The following NBEA variants were observed in gnomAD, a reference collection of about 807,000 sequenced individuals.
NBEA encodes lysosomal-trafficking regulator 2.
Under a neutral mutation model 343.4 loss-of-function variants are expected in NBEA, and 44 were observed. The ratio of observed to expected loss-of-function variants is 0.13; its 90% CI spans 0.10 to 0.16. The LOEUF (loss-of-function observed/expected upper bound fraction) is 0.16. Among genes scored for constraint, NBEA ranks in the 10% least tolerant of loss-of-function variants. The pLI is 1.00. For synonymous variants in NBEA, 1,175 were observed against 1,238.7 expected (o/e 0.95, Z 1.08); for missense variants, 2,555 against 3,631.3 (o/e 0.70, Z 7.62).
At chr13:35,116,463 A>G (rs1422730786) in intron 13 of NBEA, among the ~76,000 whole-genome samples, 1 of 152,070 alleles carries the variant, frequency 6.6e-6, no homozygotes, top group Non-Finnish European at 1.5e-5. Context: ...TACTTTGTGC[A>G]TCTTGGTGGC....
Position 35,546,049 on chromosome 13 carries a change from T to TAAAC in NBEA, c.6586-4422_6586-4419dup, listed in dbSNP as rs199516448. On this transcript the variant is annotated intron_variant, in intron 41 of 58. Transcript: ENST00000379939. Reference sequence around the variant, plus strand: ...CTATCAGTTTCCCATTGTGATTTATTAAACAAACATATATGGAGCACATAT... The same window carrying TAAAC: ...CTATCAGTTTCCCATTGTGATTTATTAAACAAACAAACATATATGGAGCACATAT... 3.8e-5 allele frequency among the ~76,000 whole-genome samples: 3 copies of TAAAC among 79,818 alleles called. No homozygotes were observed. The South Asian group carries it at 1.2e-3, about 32-fold the overall frequency. The allele number at this position is 79,818 out of a possible 152,430, so 52.4% of individuals were successfully genotyped here.
chr13:35,073,504 T>C (rs2063967605), intron 10 of NBEA, among the ~76,000 whole-genome samples: 1 of 152,202 alleles, frequency 6.6e-6, no homozygotes, highest in South Asian at 2.1e-4. Context: ...TGAAGCATTT[T>C]ATCTTCCACA....
At chr13:35,283,621 GGTAATAA>G (rs2035210882) in intron 34 of NBEA, among the ~76,000 whole-genome samples, 1 of 152,104 alleles carries the variant, frequency 6.6e-6, no homozygotes, top group African/African-American at 2.4e-5. Flanking sequence ...ATCAAAGAAA[GGTAATAA>G]GTGCATATAT....
chr13:35,290,680 T>C (rs1291980323), intron 35 of NBEA, among the ~76,000 whole-genome samples: 1 of 150,622 alleles, frequency 6.6e-6, no homozygotes, highest in Non-Finnish European at 1.5e-5. Flanking sequence ...TTTAGCAGTA[T>C]TATTCTCCTA....
chr13:35,179,889 G>A (rs1308723411), intron 28 of NBEA: 22 of 668,282 alleles, frequency 3.3e-5, no homozygotes, highest in Non-Finnish European at 4.1e-5. Context: ...TGTGTTTATT[G>A]TATCATCATT....
intron 41 of NBEA, among the ~76,000 whole-genome samples, chr13:35,524,806 T>A (rs2152994672): frequency 6.6e-6 from 1 of 152,314 alleles, no homozygotes; most frequent in Non-Finnish European, 1.5e-5. Context: ...ATTTACACAA[T>A]GTTAAATGGT....
intron 58 of NBEA, 87 bp from the exon 59 acceptor site, chr13:35,670,814 G>A: frequency 1.1e-6 from 1 of 882,796 alleles, no homozygotes; most frequent in Non-Finnish European, 1.8e-6. Context: ...AGTGTAAAAT[G>A]CCAAACTTTG....
At chr13:34,954,206 G>A (rs1449353548) in intron 1 of NBEA, among the ~76,000 whole-genome samples, 2 of 152,126 alleles carry the variant, frequency 1.3e-5, no homozygotes, top group South Asian at 2.1e-4. Context: ...CTATACCATT[G>A]TATACCAGGA....
chr13:35,585,816 T>A (rs2081268159), intron 46 of NBEA, among the ~76,000 whole-genome samples: 2 of 152,220 alleles, frequency 1.3e-5, no homozygotes, highest in African/African-American at 4.8e-5. Flanking sequence ...ATATTTTCTC[T>A]GTCTTTCCAA....
intron 45 of NBEA, among the ~76,000 whole-genome samples, chr13:35,572,090 G>T (rs2080461862): frequency 6.6e-6 from 1 of 152,118 alleles, no homozygotes; most frequent in Non-Finnish European, 1.5e-5. Flanking sequence ...GAAACAATCT[G>T]CCTTTGACCT....
chr13:35,669,565 A>G (rs973854656), intron 58 of NBEA, among the ~76,000 whole-genome samples: 1 of 152,202 alleles, frequency 6.6e-6, no homozygotes, highest in Non-Finnish European at 1.5e-5. Context: ...TTATTGGAGT[A>G]TCCCAAAGTG....
intron 55 of NBEA, among the ~76,000 whole-genome samples, chr13:35,655,964 A>G (rs1280011687): frequency 6.6e-6 from 1 of 151,994 alleles, no homozygotes; most frequent in African/African-American, 2.4e-5. Context: ...AGATCCCCTC[A>G]CCAGTCCCCT....
chr13:35,573,004 T>A (rs532932976), intron 45 of NBEA, among the ~76,000 whole-genome samples: 2 of 152,284 alleles, frequency 1.3e-5, no homozygotes, highest in Non-Finnish European at 2.9e-5. Context: ...AACTAAAAGA[T>A]AAAAGTGTAA....
chr13:35,023,164 C>T (rs2061904723), intron 1 of NBEA, among the ~76,000 whole-genome samples: 1 of 151,868 alleles, frequency 6.6e-6, no homozygotes, highest in Non-Finnish European at 1.5e-5. Context: ...GAAACCAAGG[C>T]TAAAAGGATA....
chr13:35,542,159 C>G (rs1298906785), intron 41 of NBEA, among the ~76,000 whole-genome samples: 1 of 151,766 alleles, frequency 6.6e-6, no homozygotes, highest in Non-Finnish European at 1.5e-5. Context: ...GACACCCCCC[C>G]CCCACCGCAT....
At chr13:35,251,472 C>G in intron 34 of NBEA, 1 of 1,065,532 alleles carries the variant, frequency 9.4e-7, no homozygotes, top group Non-Finnish European at 1.1e-6. Context: ...AGAGCTGTTC[C>G]CCAAGCCAGG....
intron 20 of NBEA, among the ~76,000 whole-genome samples, chr13:35,156,477 A>G (rs763464874): frequency 6.6e-6 from 1 of 152,144 alleles, no homozygotes; most frequent in African/African-American, 2.4e-5. Context: ...TATCCCTTTT[A>G]GTGGTACCTA....
chr13:35,432,836 A>C (rs904535876), intron 39 of NBEA, among the ~76,000 whole-genome samples: 1 of 151,958 alleles, frequency 6.6e-6, no homozygotes, highest in African/African-American at 2.4e-5. Flanking sequence ...TACACATGTA[A>C]TATATATACA....
At chr13:35,143,931 CT>C (rs1228420518) in intron 18 of NBEA, among the ~76,000 whole-genome samples, 1 of 151,492 alleles carries the variant, frequency 6.6e-6, no homozygotes, top group South Asian at 2.1e-4. Flanking sequence ...CAAATTTACA[CT>C]TCTCTAATAC....
Sources: allele counts gnomAD v4.1 joint callset (sites outside exome capture counted in the v4.1 genomes callset), GRCh38; gene constraint gnomAD v4.1.1; transcripts MANE v1.5; gene names NCBI Gene and HGNC (gene_info 2026-07-23, HGNC 2026-07-21).